The following SGPP2 variants were observed in gnomAD, a reference collection of about 807,000 sequenced individuals.
The protein encoded by SGPP2 is sphingosine-1-phosphate phosphatase 2.
A neutral mutation model predicts 33.9 loss-of-function variants in SGPP2; 30 were observed. The ratio of observed to expected loss-of-function variants is 0.89; its 90% CI spans 0.66 to 1.20. SGPP2 has a LOEUF of 1.20. Among genes scored for constraint, SGPP2 ranks in the 50% most tolerant of loss-of-function variants. The pLI is 0.00. For missense variants in SGPP2, 458 were observed against 532.1 expected (o/e 0.86, Z 1.37); for synonymous variants, 233 against 225.0 (o/e 1.04, Z -0.32).
At chr2:222,469,163 G>A (rs1697800304) in intron 1 of SGPP2, among the ~76,000 whole-genome samples, 1 of 152,164 alleles carries the variant, frequency 6.6e-6, no homozygotes, top group South Asian at 2.1e-4. Flanking sequence ...TGTGACAGAT[G>A]AGATGCATGC....
At chr2:222,431,735 A>G (rs1408494386) in intron 1 of SGPP2, among the ~76,000 whole-genome samples, 1 of 152,206 alleles carries the variant, frequency 6.6e-6, no homozygotes, top group Non-Finnish European at 1.5e-5. Flanking sequence ...GGCCCTTAGC[A>G]AAGAAAGGCA....
chr2:222,507,581 AG>A (rs1288716895), intron 2 of SGPP2, among the ~76,000 whole-genome samples: 1 of 152,182 alleles, frequency 6.6e-6, no homozygotes, highest in Admixed American at 6.5e-5. Flanking sequence ...CTAGTAGAAA[AG>A]GGTTTTCTTA....
intron 1 of SGPP2, among the ~76,000 whole-genome samples, chr2:222,430,615 A>G (rs1697139616): frequency 6.6e-6 from 1 of 152,150 alleles, no homozygotes. Context: ...CACCACAGCC[A>G]GCCTCCCTAT....
intron 4 of SGPP2, among the ~76,000 whole-genome samples, chr2:222,557,734 T>G (rs753161008): frequency 2.1e-4 from 32 of 152,182 alleles, no homozygotes; most frequent in Non-Finnish European, 4.1e-4. Context: ...AAATAAAGCA[T>G]GGTACAACTG....
At chr2:222,484,549 A>G (rs965414702) in intron 2 of SGPP2, among the ~76,000 whole-genome samples, 5 of 152,218 alleles carry the variant, frequency 3.3e-5, no homozygotes, top group Non-Finnish European at 7.3e-5. Context: ...ACAGAGTTTT[A>G]TTGTGGAGTT....
intron 1 of SGPP2, among the ~76,000 whole-genome samples, chr2:222,450,580 C>T (rs754057987): frequency 8.5e-5 from 13 of 152,236 alleles, no homozygotes; most frequent in African/African-American, 1.9e-4. Flanking sequence ...ATCCAGGATC[C>T]GCAACTTCAG....
Position 222,477,055 on chromosome 2 carries a change from GTA to G in SGPP2, c.378+2335_378+2336del, listed in dbSNP as rs1172295940. On this transcript the variant is annotated intron_variant, in intron 2 of 4. Transcript: ENST00000321276. The surrounding 1 kb of genome is among the most constrained non-coding windows in gnomAD (Gnocchi z 6.0). ...TATATGTGTATGTGTGTATAGGTGTGTATATATGTGTGTTTATAGATATGTAT... is the reference window on the plus strand; with the variant it reads ...TATATGTGTATGTGTGTATAGGTGTGTATATGTGTGTTTATAGATATGTAT... 6.6e-6 allele frequency among the ~76,000 whole-genome samples: 1 copy of G among 151,492 alleles called. No individual in the cohort carries two copies. The highest frequency in any genetic ancestry group is 1.5e-5 in the Non-Finnish European group (1 of 67,888).
At chr2:222,548,967 A>T (rs1218600465) in intron 4 of SGPP2, among the ~76,000 whole-genome samples, 1 of 152,164 alleles carries the variant, frequency 6.6e-6, no homozygotes, top group Non-Finnish European at 1.5e-5. Context: ...TTCTAGAGTA[A>T]CTGCAGTGTT....
intron 4 of SGPP2, among the ~76,000 whole-genome samples, chr2:222,540,824 T>G (rs916507322): frequency 6.8e-5 from 10 of 147,764 alleles, no homozygotes; most frequent in African/African-American, 2.0e-4. Context: ...ACTGTTTTTT[T>G]TTTTTTTTTT....
chr2:222,482,201 G>A (rs570417106), intron 2 of SGPP2, among the ~76,000 whole-genome samples: 18 of 152,308 alleles, frequency 1.2e-4, no homozygotes, highest in Admixed American at 6.5e-5. Flanking sequence ...TTCAGAAACA[G>A]AGACCCACTC....
At chr2:222,539,772 C>G (rs970627864) in intron 4 of SGPP2, among the ~76,000 whole-genome samples, 20 of 152,166 alleles carry the variant, frequency 1.3e-4, no homozygotes, top group African/African-American at 4.8e-4. Flanking sequence ...TCCAAGGGAG[C>G]CATTTTTATC....
At chr2:222,430,491 T>C (rs1209665184) in intron 1 of SGPP2, among the ~76,000 whole-genome samples, 3 of 152,136 alleles carry the variant, frequency 2.0e-5, no homozygotes, top group African/African-American at 7.2e-5. Flanking sequence ...TTCTTCTTTT[T>C]TGAAAAAAAT....
Position 222,504,105 on chromosome 2 carries a change from A to T in SGPP2, c.379-17662A>T, listed in dbSNP as rs530894131. On this transcript the variant is annotated intron_variant, in intron 2 of 4. Transcript: ENST00000321276. ...CTTGCTTCATTGCCTCCTTGATGTC[A>T]TTATATTTGGCACCTTTCTCCAGAT... is the stretch of plus-strand genomic sequence containing the variant. 6 of 152,284 alleles carry T rather than the reference A, an allele frequency of 3.9e-5. No individual in the cohort carries two copies. In the East Asian group the frequency reaches 1.2e-3, roughly 29 times the overall value. 9.4% of individuals were successfully genotyped at this position (152,284 alleles called of 1,614,324 possible).
chr2:222,440,898 C>T (rs1697315949), intron 1 of SGPP2, among the ~76,000 whole-genome samples: 1 of 152,000 alleles, frequency 6.6e-6, no homozygotes, highest in African/African-American at 2.4e-5. Flanking sequence ...TTAAAAGAGC[C>T]ATCTGAGATC....
intron 2 of SGPP2, among the ~76,000 whole-genome samples, chr2:222,511,328 T>G (rs1354389791): frequency 6.6e-6 from 1 of 152,150 alleles, no homozygotes; most frequent in Non-Finnish European, 1.5e-5. Flanking sequence ...TATATTACAT[T>G]TATCCTGCAT....
intron 2 of SGPP2, among the ~76,000 whole-genome samples, chr2:222,495,484 T>C (rs1406520125): frequency 6.6e-6 from 1 of 152,096 alleles, no homozygotes; most frequent in African/African-American, 2.4e-5. Context: ...CTCCTGCAAA[T>C]GAAAAACTGT....
rs368385566 is a variant in SGPP2, at chr2:222,532,431, A to C, written c.648+7398A>C. Among the ~76,000 whole-genome samples the C allele has an allele frequency of 7.9e-5, 12 of 152,294 alleles. No individual in the cohort carries two copies. In the East Asian group the frequency reaches 2.3e-3, roughly 29 times the overall value. ...TCAGATGTGGTTTGGTGCCCCTGTC[A>C]AGGCTTTGCTGACGGGCTCCAGCTA... On this transcript the variant is annotated intron_variant, in intron 4 of 4. Coordinates refer to ENST00000321276, the MANE Select transcript of SGPP2 (RefSeq NM_152386.4).
At chr2:222,448,566 G>A (rs577254960) in intron 1 of SGPP2, among the ~76,000 whole-genome samples, 1 of 152,234 alleles carries the variant, frequency 6.6e-6, no homozygotes, top group African/African-American at 2.4e-5. Context: ...GACAGATAAT[G>A]GGAGCACAGG....
Position 222,429,182 on chromosome 2 carries a change from A to G in SGPP2, c.219+4361A>G, listed in dbSNP as rs114556093. Reference sequence around the variant, plus strand: ...GTCACTTAGAGAAGCTTTCAAAACAAAACAAACATAAACCAATGTCCAAGA... The same window carrying G: ...GTCACTTAGAGAAGCTTTCAAAACAGAACAAACATAAACCAATGTCCAAGA... On this transcript the variant is annotated intron_variant, in intron 1 of 4. Coordinates refer to ENST00000321276, the MANE Select transcript of SGPP2 (RefSeq NM_152386.4). 7.2e-3 allele frequency among the ~76,000 whole-genome samples: 1,098 copies of G among 152,294 alleles called. 8 individuals are homozygous for G. Among genetic ancestry groups the G allele is most frequent in the Non-Finnish European group, 0.01 (690 of 68,028 alleles).
Sources: allele counts gnomAD v4.1 joint callset (sites outside exome capture counted in the v4.1 genomes callset), GRCh38; gene constraint gnomAD v4.1.1; non-coding constraint Gnocchi (gnomAD v3.1); transcripts MANE v1.5; gene names NCBI Gene and HGNC (gene_info 2026-07-23, HGNC 2026-07-21).